The following BMERB1 variants were observed in gnomAD, a reference collection of about 807,000 sequenced individuals.
The protein encoded by BMERB1 is bMERB domain containing 1.
A neutral mutation model predicts 23.6 loss-of-function variants in BMERB1; 12 were observed. The ratio of observed to expected loss-of-function variants is 0.51; its 90% CI spans 0.33 to 0.82. The LOEUF (loss-of-function observed/expected upper bound fraction) is 0.82, where lower values mean the gene tolerates loss of function less well. BMERB1 is among the 40% of genes least tolerant of loss of function. BMERB1 has a pLI of 0.03. For synonymous variants in BMERB1, 122 were observed against 96.6 expected, an observed-to-expected ratio of 1.26 and a Z score of -1.54; for missense variants, 247 against 255.4, an observed-to-expected ratio of 0.97 and a Z score of 0.22.
chr16:15,570,669 A>G (rs1899661857), intron 3 of BMERB1, among the ~76,000 whole-genome samples: 1 of 152,164 alleles, frequency 6.6e-6, no homozygotes, highest in Non-Finnish European at 1.5e-5. Context: ...TTAAGAAAGC[A>G]AAGGAATAAA....
chr16:15,519,395 T>C (rs1163257733), intron 2 of BMERB1, among the ~76,000 whole-genome samples: 2 of 152,134 alleles, frequency 1.3e-5, no homozygotes, highest in Admixed American at 1.3e-4. Flanking sequence ...TTAACTCTTT[T>C]ATTTTTATTT....
chr16:15,515,274 C>A (rs2051734066), intron 1 of BMERB1, 31 bp from the exon 2 acceptor site: 2 of 1,612,206 alleles, frequency 1.2e-6, no homozygotes, highest in Non-Finnish European at 1.7e-6. Flanking sequence ...CCTTGGGGTC[C>A]TGATGGTTGT....
intron 2 of BMERB1, among the ~76,000 whole-genome samples, chr16:15,543,729 G>A (rs1325973514): frequency 1.3e-5 from 2 of 152,110 alleles, no homozygotes; most frequent in Non-Finnish European, 2.9e-5. Context: ...GCTGAGGTGG[G>A]AAGATTGCTT....
intron 2 of BMERB1, among the ~76,000 whole-genome samples, chr16:15,563,452 C>G (rs982889988): frequency 1.3e-5 from 2 of 151,998 alleles, no homozygotes; most frequent in African/African-American, 4.8e-5. Flanking sequence ...ATCTCCTGAC[C>G]TCGTGATCTG....
At chr16:15,547,775 G>A (rs945984668) in intron 2 of BMERB1, among the ~76,000 whole-genome samples, 1 of 152,180 alleles carries the variant, frequency 6.6e-6, no homozygotes, top group Non-Finnish European at 1.5e-5. Context: ...TAATGTGGGT[G>A]TCCGAATCAG....
chr16:15,583,860 T>C (rs2031076649), intron 5 of BMERB1: 4 of 601,410 alleles, frequency 6.7e-6, no homozygotes, highest in South Asian at 2.0e-5. Flanking sequence ...GTTTGGAACA[T>C]GGGGCCCTAC....
chr16:15,583,403 C>A (rs2031065514), intron 5 of BMERB1, among the ~76,000 whole-genome samples, 165 bp downstream of exon 5: 1 of 151,910 alleles, frequency 6.6e-6, no homozygotes, highest in South Asian at 2.1e-4. Context: ...CATGGTGAAA[C>A]CCCGTATCTA....
intron 1 of BMERB1, among the ~76,000 whole-genome samples, chr16:15,464,580 T>C (rs2051165874): frequency 6.6e-6 from 1 of 152,224 alleles, no homozygotes; most frequent in Non-Finnish European, 1.5e-5. Flanking sequence ...AGGTGGATTA[T>C]TCATGAGTTT....
rs187202909 is a variant in BMERB1, at chr16:15,499,347, G to A, written c.107-15958G>A. On this transcript the variant is annotated intron_variant, in intron 1 of 5. Coordinates refer to ENST00000300006, the MANE Select transcript of BMERB1 (RefSeq NM_033201.3). ...CGGGAGGTGGAGGTTGCAGTGAGCC[G>A]AGATCACACCACTGCACTCCAGCCT... 4.7e-3 allele frequency among the ~76,000 whole-genome samples: 706 copies of A among 150,688 alleles called. 4 individuals carry two copies. Among genetic ancestry groups the A allele is most frequent in the African/African-American group, 0.016 (675 of 40,932 alleles).
intron 2 of BMERB1, among the ~76,000 whole-genome samples, chr16:15,524,433 A>T (rs1330420348): frequency 6.6e-6 from 1 of 152,102 alleles, no homozygotes; most frequent in African/African-American, 2.4e-5. Context: ...ATGTACTGGG[A>T]GGTGGGGAGG....
intron 1 of BMERB1, among the ~76,000 whole-genome samples, chr16:15,440,244 C>CAAAAAAAA (rs57412464): frequency 3.1e-5 from 2 of 64,702 alleles, no homozygotes; most frequent in African/African-American, 6.4e-5. Flanking sequence ...GACTTAATCT[C>CAAAAAAAA]AAAAAAAAAA....
intron 1 of BMERB1, among the ~76,000 whole-genome samples, chr16:15,480,084 A>C (rs914439516): frequency 6.7e-6 from 1 of 150,076 alleles, no homozygotes; most frequent in Admixed American, 6.7e-5. Context: ...GGAAATGTTG[A>C]TCTATGGCAT....
At chr16:15,474,941 C>G (rs937329395) in intron 1 of BMERB1, among the ~76,000 whole-genome samples, 1 of 152,100 alleles carries the variant, frequency 6.6e-6, no homozygotes, top group East Asian at 1.9e-4. Flanking sequence ...ACCCGCTTGG[C>G]CTCCCAAAGC....
chr16:15,444,519 TGAGA>T (rs1474777167), intron 1 of BMERB1, among the ~76,000 whole-genome samples: 1 of 152,120 alleles, frequency 6.6e-6, no homozygotes, highest in Non-Finnish European at 1.5e-5. Flanking sequence ...TTTAATCCCC[TGAGA>T]AATAAACAGA....
At chr16:15,465,615 A>G (rs1272013528) in intron 1 of BMERB1, among the ~76,000 whole-genome samples, 1 of 152,124 alleles carries the variant, frequency 6.6e-6, no homozygotes, top group Admixed American at 6.6e-5. Context: ...GGCCTCCCAA[A>G]GTGCTGGTAT....
At chr16:15,584,692 T>G (rs901486788) in intron 5 of BMERB1, among the ~76,000 whole-genome samples, 4 of 152,114 alleles carry the variant, frequency 2.6e-5, no homozygotes, top group Non-Finnish European at 2.9e-5. Flanking sequence ...CTCCCCTCCT[T>G]TTCTTCTTTT....
At chr16:15,503,447 ATTTTTTTT>A (rs35592502) in intron 1 of BMERB1, among the ~76,000 whole-genome samples, 3 of 133,322 alleles carry the variant, frequency 2.3e-5, no homozygotes, top group African/African-American at 5.5e-5. Context: ...ACGCCCGGCT[ATTTTTTTT>A]TTTTTTTTTT....
At chr16:15,477,737 T>A (rs10400939) in intron 1 of BMERB1, among the ~76,000 whole-genome samples, 2,261 of 151,984 alleles carry the variant, frequency 0.015, 52 homozygotes, top group African/African-American at 0.052. Flanking sequence ...TGCTTGGTAG[T>A]GGTTCCAGGT....
intron 2 of BMERB1, among the ~76,000 whole-genome samples, chr16:15,561,762 A>G (rs561645694): frequency 2.6e-5 from 4 of 152,284 alleles, no homozygotes; most frequent in Non-Finnish European, 4.4e-5. Flanking sequence ...GTGTAGGGGC[A>G]TATGCCTAAA....
Sources: allele counts gnomAD v4.1 joint callset (sites outside exome capture counted in the v4.1 genomes callset), GRCh38; gene constraint gnomAD v4.1.1; transcripts MANE v1.5; gene names NCBI Gene and HGNC (gene_info 2026-07-23, HGNC 2026-07-21).